The following SLC29A3 variants were observed in gnomAD, a reference collection of about 807,000 sequenced individuals.
SLC29A3 encodes the protein equilibrative nucleoside transporter 3.
SLC29A3 carries 18 observed loss-of-function variants against 25.4 expected under a neutral mutation model. That is an observed-to-expected ratio of 0.71 (90% CI 0.49 to 1.05). The LOEUF (loss-of-function observed/expected upper bound fraction) is 1.05, where lower values mean the gene tolerates loss of function less well. Ranked by LOEUF, SLC29A3 falls within the 50% of genes least tolerant of loss-of-function variation. SLC29A3 has a pLI of 0.00. For synonymous variants in SLC29A3, 258 were observed against 267.1 expected, an observed-to-expected ratio of 0.97 and a Z score of 0.33; for missense variants, 586 against 609.0, an observed-to-expected ratio of 0.96 and a Z score of 0.40.
chr10:71,361,586 C>T (rs79322394), intron 5 of SLC29A3, among the ~76,000 whole-genome samples: 2,462 of 152,272 alleles, frequency 0.016, 69 homozygotes, highest in African/African-American at 0.056. Flanking sequence ...ATCAAGCTTG[C>T]ATTCCTTTTA....
At chr10:71,325,300 G>A (rs1261232704) in intron 2 of SLC29A3, among the ~76,000 whole-genome samples, 1 of 152,180 alleles carries the variant, frequency 6.6e-6, no homozygotes, top group Non-Finnish European at 1.5e-5. Context: ...GGTCACCCAG[G>A]CAGCTTCTTA....
chr10:71,347,909 C>T (rs116542487), intron 3 of SLC29A3, among the ~76,000 whole-genome samples: 3,560 of 152,272 alleles, frequency 0.023, 82 homozygotes, highest in East Asian at 0.062. Context: ...TACCTTGTAG[C>T]GACAGGCACA....
At chr10:71,378,671 G>A (rs1326089305) in intron 4 of SLC29A3, among the ~76,000 whole-genome samples, 7 of 152,340 alleles carry the variant, frequency 4.6e-5, no homozygotes, top group East Asian at 1.9e-4. Context: ...AGGGGCTGGG[G>A]CCCAGTCATT....
At chr10:71,322,204 G>C (rs1243057185) in intron 1 of SLC29A3, among the ~76,000 whole-genome samples, 1 of 151,804 alleles carries the variant, frequency 6.6e-6, no homozygotes, top group Admixed American at 6.6e-5. Context: ...TAGCCTTCCA[G>C]AGATATTCTG....
intron 1 of SLC29A3, 121 bp from the exon 2 acceptor site, chr10:71,322,635 C>A: frequency 8.2e-7 from 1 of 1,214,830 alleles, no homozygotes; most frequent in Non-Finnish European, 1.2e-6. Flanking sequence ...GCTTTGGTGA[C>A]TTTACAGAGC....
intron 2 of SLC29A3, among the ~76,000 whole-genome samples, chr10:71,341,611 C>T (rs902630004): frequency 2.6e-5 from 4 of 152,192 alleles, no homozygotes; most frequent in South Asian, 2.1e-4. Context: ...ACCCAGCTAT[C>T]GGAAACCCTC....
At chr10:71,357,212 G>A (rs1048401856) in intron 5 of SLC29A3, among the ~76,000 whole-genome samples, 1 of 152,118 alleles carries the variant, frequency 6.6e-6, no homozygotes, top group Admixed American at 6.5e-5. Context: ...TCAGGAGATC[G>A]AGACCATCCT....
chr10:71,368,089 G>A (rs1847184052), downstream of SLC29A3, among the ~76,000 whole-genome samples: 1 of 152,058 alleles, frequency 6.6e-6, no homozygotes, highest in African/African-American at 2.4e-5. Flanking sequence ...AATTAGCCAG[G>A]CCTAGTGGTA....
Position 71,362,740 on chromosome 10 carries a change from A to G in SLC29A3, c.*132A>G. The G allele has an allele frequency of 1.6e-6, 2 of 1,233,170 alleles. No individual in the cohort carries two copies. The highest frequency in any genetic ancestry group is 1.2e-6 in the Non-Finnish European group (1 of 862,556). 76.4% of individuals were successfully genotyped at this position (1,233,170 alleles called of 1,614,324 possible). On this transcript the variant is annotated 3_prime_UTR_variant, in exon 6 of 6. Transcript: ENST00000373189. ...AGAGAGCAGAGCACACTCGGGCCTC[A>G]TCCCTCCCAAGATGCCAGTGAGCCA...
chr10:71,328,708 G>C (rs941325705), intron 2 of SLC29A3, among the ~76,000 whole-genome samples: 1 of 152,224 alleles, frequency 6.6e-6, no homozygotes, highest in Admixed American at 6.5e-5. Flanking sequence ...GCTCTGCAAG[G>C]GAGCAGAAGA....
At chr10:71,345,800 T>A (rs758902492) in intron 3 of SLC29A3, among the ~76,000 whole-genome samples, 2 of 151,602 alleles carry the variant, frequency 1.3e-5, no homozygotes, top group Non-Finnish European at 2.9e-5. Context: ...GGAGAGAGGG[T>A]GTGTTGAGAG....
chr10:71,342,817 C>T (rs1045080231), intron 2 of SLC29A3, among the ~76,000 whole-genome samples: 2 of 152,242 alleles, frequency 1.3e-5, no homozygotes, highest in Non-Finnish European at 2.9e-5. Flanking sequence ...TTCTCAGGCT[C>T]ATGGTTGACG....
chr10:71,368,134 G>A (rs1387427960), downstream of SLC29A3, among the ~76,000 whole-genome samples: 2 of 152,134 alleles, frequency 1.3e-5, no homozygotes, highest in Non-Finnish European at 2.9e-5. Flanking sequence ...AGAGGCTGAG[G>A]CAGGAGGATT....
At position 71,363,271 on chromosome 10, in the gene SLC29A3, A is replaced by T. The variant is rs188590579; in HGVS notation, c.*663A>T. 2 of 454,076 alleles carry T rather than the reference A, an allele frequency of 4.4e-6. No individual in the cohort carries two copies. Among genetic ancestry groups the T allele is most frequent in the East Asian group, 1.4e-4 (2 of 14,390 alleles). 28.1% of individuals were successfully genotyped at this position (454,076 alleles called of 1,614,324 possible). ...GGCCTGGGTTTTCAAAAAAAGAGGGATCCTCATGACCTGGTGGTCTATGGC... is the reference window on the plus strand; with the variant it reads ...GGCCTGGGTTTTCAAAAAAAGAGGGTTCCTCATGACCTGGTGGTCTATGGC... On this transcript the variant is annotated 3_prime_UTR_variant, in exon 6 of 6. Transcript: ENST00000373189.
At chr10:71,324,594 G>A (rs895210867) in intron 2 of SLC29A3, among the ~76,000 whole-genome samples, 1 of 152,298 alleles carries the variant, frequency 6.6e-6, no homozygotes, top group Non-Finnish European at 1.5e-5. Context: ...ATTTATATGT[G>A]AAGTTTTTCA....
intron 2 of SLC29A3, among the ~76,000 whole-genome samples, chr10:71,343,917 G>A (rs879294835): frequency 3.9e-5 from 6 of 152,238 alleles, no homozygotes; most frequent in Non-Finnish European, 5.9e-5. Context: ...GGGCAGAAGT[G>A]TGGGCTGCAC....
At chr10:71,353,714 C>G (rs1241511394) in intron 4 of SLC29A3, among the ~76,000 whole-genome samples, 1 of 152,156 alleles carries the variant, frequency 6.6e-6, no homozygotes, top group African/African-American at 2.4e-5. Context: ...CTCGCCAGCC[C>G]CACTTGCTTT....
chr10:71,356,402 G>A lies in SLC29A3; in HGVS notation c.773+159G>A, dbSNP rs574514179. On this transcript the variant is annotated intron_variant, in intron 5 of 5. Transcript: ENST00000373189. Reference sequence around the variant, plus strand: ...CTTGGCTGGTGGACGTGAGAGGCTGGCTCTGTGCCACAGTCAAGCAGTTGG... The same window carrying A: ...CTTGGCTGGTGGACGTGAGAGGCTGACTCTGTGCCACAGTCAAGCAGTTGG... Among the ~76,000 whole-genome samples, 3 of 152,350 alleles carry A rather than the reference G, an allele frequency of 2.0e-5. No homozygotes were observed. The South Asian group carries it at 6.2e-4, about 32-fold the overall frequency.
chr10:71,379,782 T>G (rs1211383390), exon 5 of SLC29A3: 2 of 152,252 alleles, frequency 1.3e-5, no homozygotes, highest in Admixed American at 1.3e-4. Flanking sequence ...AGTTTTGTTG[T>G]GAGGAGTGCT....
Sources: gnomAD v4.1 joint callset for allele counts (sites outside exome capture counted in the v4.1 genomes callset) on GRCh38, gnomAD v4.1.1 for gene constraint, MANE v1.5 for transcripts, NCBI Gene and HGNC (gene_info 2026-07-23, HGNC 2026-07-21) for gene names.